Variants in DNAH12 observed in about 807,000 individuals in gnomAD.
DNAH12 encodes the protein axonemal beta dynein heavy chain 12.
Under a neutral mutation model 371.5 loss-of-function variants are expected in DNAH12, and 285 were observed. The observed-to-expected ratio is 0.77, with a 90% confidence interval of 0.70 to 0.85. The LOEUF is 0.85. Ranked by LOEUF, DNAH12 falls within the 40% of genes least tolerant of loss-of-function variation. DNAH12 has a pLI of 0.00. For missense variants in DNAH12, 3,611 were observed against 3,689.4 expected, an observed-to-expected ratio of 0.98 and a Z score of 0.55; for synonymous variants, 1,200 against 1,213.0, an observed-to-expected ratio of 0.99 and a Z score of 0.22.
At chr3:57,448,505 G>C (rs772989918) in intron 25 of DNAH12, among the ~76,000 whole-genome samples, 1 of 150,964 alleles carries the variant, frequency 6.6e-6, no homozygotes, top group Non-Finnish European at 1.5e-5. Flanking sequence ...TGAAGCTGTA[G>C]GTCTTCGCAG....
In DNAH12 at chr3:57,309,875, C is replaced by T. The variant is rs2061552354; in HGVS notation, c.10897-21G>A. The T allele has an allele frequency of 1.9e-6, 3 of 1,539,426 alleles. No individual in the cohort carries two copies. The African/African-American group carries it at 4.1e-5, about 21-fold the overall frequency. ...AGTTTCTACCAGAAAACAAATTAAG[C>T]ATGCATCATATTTTCCCTGGATACT... On this transcript the variant is annotated intron_variant, in intron 67 of 73. Coordinates refer to ENST00000495027, the MANE Select transcript of DNAH12 (RefSeq NM_001366028.2).
chr3:57,468,489 C>T lies in DNAH12; in HGVS notation c.2349+247G>A, dbSNP rs994140377. Reference sequence around the variant, plus strand: ...AATTAGCCAGGCATGGTGGTACACACCTGTAGCACCAGCTACTCAGGAGGC... The same window carrying T: ...AATTAGCCAGGCATGGTGGTACACATCTGTAGCACCAGCTACTCAGGAGGC... On this transcript the variant is annotated intron_variant, in intron 17 of 73. Coordinates refer to ENST00000495027, the MANE Select transcript of DNAH12 (RefSeq NM_001366028.2). Among the ~76,000 whole-genome samples, 3 of 152,064 alleles carry T rather than the reference C, an allele frequency of 2.0e-5. No homozygotes were observed. The East Asian group carries it at 5.8e-4, about 29-fold the overall frequency.
intron 62 of DNAH12, among the ~76,000 whole-genome samples, chr3:57,325,600 A>T (rs543565730): frequency 6.6e-6 from 1 of 152,316 alleles, no homozygotes; most frequent in East Asian, 1.9e-4. Flanking sequence ...CCAAAAGTAG[A>T]TACAACCACA....
Position 57,351,451 on chromosome 3 carries a change from C to T in DNAH12, c.9674+634G>A, listed in dbSNP as rs189046673. ...GAAACGTGTGCACATGTGCCCTCTA[C>T]ATTTATACACAAGAGTGTTCATAGC... On this transcript the variant is annotated intron_variant, in intron 60 of 73. Transcript: ENST00000495027. Among the ~76,000 whole-genome samples, 337 of 152,278 alleles carry T rather than the reference C, an allele frequency of 2.2e-3. 1 individual carries two copies. Among genetic ancestry groups the T allele is most frequent in the Admixed American group, 3.7e-3 (56 of 15,306 alleles).
intron 13 of DNAH12, among the ~76,000 whole-genome samples, chr3:57,473,658 G>A (rs969491309): frequency 6.7e-6 from 1 of 150,080 alleles, no homozygotes; most frequent in African/African-American, 2.4e-5. Context: ...CAAATTTGAG[G>A]TTTTTGATTT....
intron 11 of DNAH12, among the ~76,000 whole-genome samples, chr3:57,493,132 A>G (rs962824919): frequency 1.3e-5 from 2 of 152,226 alleles, no homozygotes; most frequent in Admixed American, 6.5e-5. Context: ...TAATTCATAG[A>G]ACATTTATTG....
chr3:57,516,890 G>T (rs2068220194), intron 4 of DNAH12, among the ~76,000 whole-genome samples: 1 of 152,094 alleles, frequency 6.6e-6, no homozygotes, highest in African/African-American at 2.4e-5. Context: ...TAAAATCCAA[G>T]CAACTTATCA....
chr3:57,551,227 GAT>G, the DNAH12 span, among the ~76,000 whole-genome samples: 1 of 151,508 alleles, frequency 6.6e-6, no homozygotes, highest in Middle Eastern at 3.4e-3. Flanking sequence ...TCACTAAAAA[GAT>G]ATGTTGTTTT....
intron 29 of DNAH12, among the ~76,000 whole-genome samples, chr3:57,439,554 T>G (rs533210059): frequency 1.3e-5 from 2 of 152,250 alleles, no homozygotes; most frequent in East Asian, 3.9e-4. Flanking sequence ...CAATATGGAC[T>G]GAAAAGTTAA....
intron 62 of DNAH12, among the ~76,000 whole-genome samples, chr3:57,327,616 T>C (rs6764644): frequency 0.38 from 47,954 of 127,622 alleles, 8,379 homozygotes; most frequent in African/African-American, 0.51. Context: ...AGGAAAGATC[T>C]AAAATTGACA....
At chr3:57,447,533 C>T (rs1287762981) in intron 25 of DNAH12, among the ~76,000 whole-genome samples, 1 of 152,036 alleles carries the variant, frequency 6.6e-6, no homozygotes, top group Non-Finnish European at 1.5e-5. Flanking sequence ...TTGCTATGAA[C>T]CTAGAACTGC....
intron 55 of DNAH12, among the ~76,000 whole-genome samples, chr3:57,370,961 A>G (rs1204013445): frequency 1.3e-5 from 2 of 152,174 alleles, no homozygotes; most frequent in Admixed American, 6.5e-5. Context: ...GCATAAAGAG[A>G]TAAGAAGGAA....
intron 13 of DNAH12, among the ~76,000 whole-genome samples, chr3:57,474,958 G>A (rs1419757502): frequency 7.6e-6 from 1 of 131,070 alleles, no homozygotes; most frequent in Non-Finnish European, 1.6e-5. Flanking sequence ...CCTAGCGACA[G>A]AGCGAGACTC....
rs188861586 is a variant in DNAH12, at chr3:57,304,729, C to T, written c.11190-2790G>A. Among the ~76,000 whole-genome samples the T allele has an allele frequency of 2.6e-5, 4 of 152,238 alleles. No homozygotes were observed. In the East Asian group the frequency reaches 7.7e-4, roughly 29 times the overall value. ...CCTTCACCCTTAGCAGCAAGTACCG[C>T]TTTTCTGGAGGGCCAGAACCCCCCG... is the stretch of plus-strand genomic sequence containing the variant. On this transcript the variant is annotated intron_variant, in intron 69 of 73. Transcript: ENST00000495027.
intron 69 of DNAH12, among the ~76,000 whole-genome samples, chr3:57,302,553 A>ATGGTTTT (rs1559535314): frequency 3.5e-5 from 3 of 86,378 alleles, no homozygotes; most frequent in African/African-American, 1.2e-4. Flanking sequence ...ATATATATAT[A>ATGGTTTT]TATATATATA....
At chr3:57,340,674 A>T (rs1056916086) in intron 60 of DNAH12, among the ~76,000 whole-genome samples, 4 of 152,178 alleles carry the variant, frequency 2.6e-5, no homozygotes, top group Admixed American at 1.3e-4. Context: ...GGAAATCAAG[A>T]AAGAAAAGTC....
At position 57,517,624 on chromosome 3, in the gene DNAH12, T is replaced by C. The variant is rs770709200; in HGVS notation, c.279+5959A>G. 3.9e-5 allele frequency among the ~76,000 whole-genome samples: 6 copies of C among 152,240 alleles called. No homozygotes were observed. In the East Asian group the frequency reaches 1.2e-3, roughly 29 times the overall value. The stretch of plus-strand genomic sequence containing the variant: ...ATTCATTATTCTAATTATGTATCTA[T>C]AACTTATACCTTTCTAAAACCATTT... On this transcript the variant is annotated intron_variant, in intron 4 of 73. Coordinates refer to ENST00000495027, the MANE Select transcript of DNAH12 (RefSeq NM_001366028.2).
intron 17 of DNAH12, among the ~76,000 whole-genome samples, chr3:57,465,961 G>A (rs1469649829): frequency 6.6e-6 from 1 of 152,050 alleles, no homozygotes; most frequent in African/African-American, 2.4e-5. Flanking sequence ...GTTGATGAGA[G>A]TATATATTGG....
chr3:57,459,712 G>A lies in DNAH12; in HGVS notation c.2811C>T (p.Tyr937=). 1 of 1,547,672 alleles carries A rather than the reference G, an allele frequency of 6.5e-7. No homozygotes were observed. The highest frequency in any genetic ancestry group is 8.7e-7 in the Non-Finnish European group (1 of 1,144,338). Residue 937 remains tyrosine, a synonymous_variant, in exon 20 of 74, where the codon TAC becomes TAT. Transcript: ENST00000495027. ...EWLKVQAQWL[Y]LEPIFCSEDI... is the part of the protein sequence containing the mutation. Reference sequence around the variant, plus strand: ...CCTCAGAACAAAAGATGGGCTCTAAGTACAGCCATTGAGCTTGTACTTTTA... The same window carrying A: ...CCTCAGAACAAAAGATGGGCTCTAAATACAGCCATTGAGCTTGTACTTTTA...
Sources: allele counts gnomAD v4.1 joint callset (sites outside exome capture counted in the v4.1 genomes callset), GRCh38; gene constraint gnomAD v4.1.1; transcripts MANE v1.5; gene names NCBI Gene and HGNC (gene_info 2026-07-23, HGNC 2026-07-21).